The following OPCML variants were observed in gnomAD, a reference collection of about 807,000 sequenced individuals.
OPCML encodes the protein opioid-binding protein/cell adhesion molecule.
In OPCML, 13 loss-of-function variants were observed where a neutral mutation model predicts 37.8. That is an observed-to-expected ratio of 0.34 (90% CI 0.22 to 0.55). The LOEUF (loss-of-function observed/expected upper bound fraction) is 0.55, where lower values mean the gene tolerates loss of function less well. Ranked by LOEUF, OPCML falls within the 20% of genes least tolerant of loss-of-function variation. The pLI is 0.91. For synonymous variants in OPCML, 176 were observed against 168.8 expected (o/e 1.04, Z -0.33); for missense variants, 341 against 435.6 (o/e 0.78, Z 1.93).
chr11:133,156,193 G>T (rs906717686), intron 1 of OPCML, among the ~76,000 whole-genome samples: 2 of 152,004 alleles, frequency 1.3e-5, no homozygotes, highest in Admixed American at 6.6e-5. Flanking sequence ...ATTTTTATAC[G>T]ATCCTTATCT....
chr11:133,037,216 G>A (rs1366876097), intron 1 of OPCML, among the ~76,000 whole-genome samples: 1 of 152,212 alleles, frequency 6.6e-6, no homozygotes, highest in Admixed American at 6.5e-5. Context: ...TAACTTCAAA[G>A]TTAGTCGGAT....
chr11:132,658,807 CCCATGGTGATTTG>C (rs1286771241), intron 2 of OPCML, among the ~76,000 whole-genome samples: 1 of 152,166 alleles, frequency 6.6e-6, no homozygotes, highest in South Asian at 2.1e-4. Context: ...TGCCCAGCAC[CCCATGGTGATTTG>C]CTAGCAACTT....
At position 133,430,407 on chromosome 11, in the gene OPCML, C is replaced by A. The variant is rs546707326; in HGVS notation, c.61+101857G>T. Among the ~76,000 whole-genome samples the A allele has an allele frequency of 5.3e-5, 8 of 152,224 alleles. No individual in the cohort carries two copies. In the South Asian group the frequency reaches 1.7e-3, roughly 32 times the overall value. On this transcript the variant is annotated intron_variant, in intron 1 of 7. Transcript: ENST00000524381. ...ATTGAAATAAATCTTCACATTAGTACATATGGCAAAGAATATTCCAGATGG... is the reference window on the plus strand; with the variant it reads ...ATTGAAATAAATCTTCACATTAGTAAATATGGCAAAGAATATTCCAGATGG...
At chr11:133,429,219 G>A (rs1946066911) in intron 1 of OPCML, among the ~76,000 whole-genome samples, 1 of 152,192 alleles carries the variant, frequency 6.6e-6, no homozygotes, top group South Asian at 2.1e-4. Flanking sequence ...CCTTCCAGGA[G>A]AGAACAGCAA....
intron 2 of OPCML, among the ~76,000 whole-genome samples, chr11:132,915,400 C>T (rs1347609765): frequency 6.6e-6 from 1 of 152,224 alleles, no homozygotes; most frequent in Non-Finnish European, 1.5e-5. Flanking sequence ...CTGGCAAGAC[C>T]TCAGCCTGTG....
chr11:132,775,855 T>C (rs1360723690), intron 2 of OPCML, among the ~76,000 whole-genome samples: 1 of 152,236 alleles, frequency 6.6e-6, no homozygotes, highest in Non-Finnish European at 1.5e-5. Context: ...AACCACAGAA[T>C]GCTGCCCCTT....
intron 1 of OPCML, chr11:133,065,777 T>C (rs1948432050): frequency 6.6e-6 from 1 of 152,292 alleles, no homozygotes; most frequent in African/African-American, 2.4e-5. Context: ...CTGGGTCATT[T>C]TGGCCAGAGT....
chr11:133,261,817 T>C lies in OPCML; in HGVS notation c.61+270447A>G, dbSNP rs190679097. ...TCTTCTGTGAGCGGCACCCTCAGAG[T>C]GTGCTTCTGGCTGAGCGGTGGCTCT... On this transcript the variant is annotated intron_variant, in intron 1 of 7. Transcript: ENST00000524381. Among the ~76,000 whole-genome samples, 106 of 152,282 alleles carry C rather than the reference T, an allele frequency of 7.0e-4. 2 individuals carry two copies. The East Asian group carries it at 0.016, about 23-fold the overall frequency.
intron 2 of OPCML, among the ~76,000 whole-genome samples, chr11:132,713,431 A>C (rs959835988): frequency 9.2e-5 from 14 of 152,216 alleles, no homozygotes; most frequent in African/African-American, 3.4e-4. Context: ...TTTTACAAAA[A>C]TGAACATTCT....
chr11:133,206,960 C>T lies in OPCML; in HGVS notation c.62-263950G>A, dbSNP rs1939091626. ...ATCCAGATGTTGCTCCTGAAATGCA[C>T]TCACGTGATCTCTCAGAGGAACGCC... On this transcript the variant is annotated intron_variant, in intron 1 of 7. Coordinates refer to ENST00000524381, the MANE Select transcript of OPCML (RefSeq NM_001012393.5). The surrounding 1 kb of genome is among the most constrained non-coding windows in gnomAD (Gnocchi z 4.7). 6.6e-6 allele frequency among the ~76,000 whole-genome samples: 1 copy of T among 152,014 alleles called. No homozygotes were observed. Among genetic ancestry groups the T allele is most frequent in the Non-Finnish European group, 1.5e-5 (1 of 67,992 alleles).
intron 1 of OPCML, among the ~76,000 whole-genome samples, chr11:133,122,264 G>A (rs145509881): frequency 1.3e-5 from 2 of 152,298 alleles, no homozygotes. Context: ...CAGCTCAGCT[G>A]CTGCTGGTTG....
At chr11:132,521,173 T>A (rs1156955604) in intron 4 of OPCML, among the ~76,000 whole-genome samples, 2 of 152,218 alleles carry the variant, frequency 1.3e-5, no homozygotes, top group Admixed American at 1.3e-4. Flanking sequence ...CACATAAATG[T>A]CTTCTTTTCA....
chr11:132,892,109 C>G (rs575202194), intron 2 of OPCML, among the ~76,000 whole-genome samples: 35 of 152,332 alleles, frequency 2.3e-4, no homozygotes, highest in Non-Finnish European at 4.7e-4. Flanking sequence ...TCCTCCATCG[C>G]TTTTAAAAGA....
At chr11:132,957,786 C>T (rs1370443638) in intron 1 of OPCML, among the ~76,000 whole-genome samples, 1 of 152,096 alleles carries the variant, frequency 6.6e-6, no homozygotes, top group South Asian at 2.1e-4. Flanking sequence ...TGTTTTGGGG[C>T]AGCACGAGCT....
At chr11:133,260,755 C>G (rs149362865) in intron 1 of OPCML, among the ~76,000 whole-genome samples, 9 of 152,190 alleles carry the variant, frequency 5.9e-5, no homozygotes, top group African/African-American at 1.9e-4. Flanking sequence ...GAGCTGATGG[C>G]TAGAGCCAGA....
At chr11:132,443,755 C>T (rs896712648) in intron 4 of OPCML, among the ~76,000 whole-genome samples, 2 of 152,234 alleles carry the variant, frequency 1.3e-5, no homozygotes, top group African/African-American at 4.8e-5. Flanking sequence ...GAAACCACCT[C>T]CTCCCCACTG....
At chr11:132,698,883 T>C (rs756887963) in intron 2 of OPCML, among the ~76,000 whole-genome samples, 2 of 152,092 alleles carry the variant, frequency 1.3e-5, no homozygotes, top group Admixed American at 1.3e-4. Context: ...AATTGTTCTT[T>C]ATATTTCTCT....
chr11:133,169,221 C>T (rs1016015355), intron 1 of OPCML, among the ~76,000 whole-genome samples: 1 of 152,190 alleles, frequency 6.6e-6, no homozygotes, highest in Admixed American at 6.5e-5. Flanking sequence ...GATCAAGCAA[C>T]TTTCCCAATA....
intron 2 of OPCML, among the ~76,000 whole-genome samples, chr11:132,921,006 G>A (rs772530926): frequency 5.3e-5 from 8 of 152,116 alleles, no homozygotes; most frequent in Non-Finnish European, 1.2e-4. Context: ...TTCCCGCTGC[G>A]TCTGATTCTC....
Sources: gnomAD v4.1 joint callset for allele counts (sites outside exome capture counted in the v4.1 genomes callset) on GRCh38, gnomAD v4.1.1 for gene constraint, Gnocchi (gnomAD v3.1) non-coding constraint, MANE v1.5 for transcripts, NCBI Gene and HGNC (gene_info 2026-07-23, HGNC 2026-07-21) for gene names.